GPC5: variants seen among roughly 807,000 people sequenced by gnomAD.
The protein encoded by GPC5 is glypican-5.
Under a neutral mutation model 53.9 loss-of-function variants are expected in GPC5, and 47 were observed. That is an observed-to-expected ratio of 0.87 (90% confidence interval 0.69 to 1.11). GPC5 has a LOEUF of 1.11. GPC5 is among the 50% of genes most tolerant of loss of function. The pLI is 0.00. For synonymous variants in GPC5, 286 were observed against 263.3 expected (o/e 1.09, Z -0.84); for missense variants, 748 against 713.1 (o/e 1.05, Z -0.56).
chr13:91,756,300 T>G lies in GPC5; in HGVS notation c.1160T>G (p.Phe387Cys), dbSNP rs1176031033. ...EETLANRRKEFINSLRLYRSF... is the reference protein window; with the variant it reads ...EETLANRRKECINSLRLYRSF... Reference sequence around the variant, plus strand: ...TTCTTTCTTCTTTCATTTAGAGAATTTATCAACAGCCTTCGACTGTACAGG... The same window carrying G: ...TTCTTTCTTCTTTCATTTAGAGAATGTATCAACAGCCTTCGACTGTACAGG... Residue 387 changes from phenylalanine to cysteine, a missense_variant, in exon 5 of 8, where the codon TTT (phenylalanine) becomes TGT (cysteine). By Grantham distance (205) the Phe-to-Cys change is radical. Transcript: ENST00000377067. The G allele has an allele frequency of 2.0e-6, 3 of 1,487,494 alleles. No individual in the cohort carries two copies. The South Asian group carries it at 4.3e-5, about 21-fold the overall frequency. 92.1% of individuals were successfully genotyped at this position (1,487,494 alleles called of 1,614,324 possible). A position where few individuals can be genotyped will look rare whatever the true frequency, so the allele number is the denominator to read the frequency against.
chr13:91,629,770 T>G (rs1165894567), intron 2 of GPC5, among the ~76,000 whole-genome samples: 2 of 152,174 alleles, frequency 1.3e-5, no homozygotes, highest in Admixed American at 6.5e-5. Context: ...CTATGATTAC[T>G]TACTGTTTTG....
intron 7 of GPC5, among the ~76,000 whole-genome samples, chr13:92,172,501 C>G (rs1275622569): frequency 6.6e-6 from 1 of 152,100 alleles, no homozygotes; most frequent in African/African-American, 2.4e-5. Context: ...GAAGAAGAAT[C>G]AATTTTGAAA....
At chr13:92,284,014 A>AAGAG (rs1288028347) in intron 7 of GPC5, among the ~76,000 whole-genome samples, 1 of 151,252 alleles carries the variant, frequency 6.6e-6, no homozygotes, top group Non-Finnish European at 1.5e-5. Flanking sequence ...TAAAGAAGAA[A>AAGAG]AGAAGAATCA....
intron 7 of GPC5, among the ~76,000 whole-genome samples, chr13:92,643,022 C>T (rs1885644987): frequency 6.6e-6 from 1 of 152,158 alleles, no homozygotes; most frequent in South Asian, 2.1e-4. Context: ...TAAATGTCTT[C>T]TTTTGAGAAG....
At chr13:91,610,468 A>G (rs2033513206) in intron 2 of GPC5, among the ~76,000 whole-genome samples, 1 of 152,172 alleles carries the variant, frequency 6.6e-6, no homozygotes, top group Admixed American at 6.5e-5. Context: ...AAACAAAGGG[A>G]TAGGCTATTA....
intron 7 of GPC5, among the ~76,000 whole-genome samples, chr13:92,384,616 G>A (rs1254948818): frequency 6.6e-6 from 1 of 152,072 alleles, no homozygotes. Context: ...CTTAAAAGCA[G>A]ACAATTCCAG....
intron 2 of GPC5, among the ~76,000 whole-genome samples, chr13:91,495,819 T>TA (rs1376457495): frequency 6.6e-6 from 1 of 152,168 alleles, no homozygotes; most frequent in Non-Finnish European, 1.5e-5. Flanking sequence ...GGTCAAGAGT[T>TA]AGAGACCAGC....
At chr13:92,745,269 C>T (rs1036902268) in intron 7 of GPC5, among the ~76,000 whole-genome samples, 1 of 152,018 alleles carries the variant, frequency 6.6e-6, no homozygotes, top group Non-Finnish European at 1.5e-5. Flanking sequence ...CTTTGAGATG[C>T]TCATAGCAAA....
chr13:91,993,475 G>C (rs984115183), intron 6 of GPC5, among the ~76,000 whole-genome samples: 19 of 151,992 alleles, frequency 1.3e-4, no homozygotes, highest in Middle Eastern at 3.4e-3. Context: ...TTTTGTATGA[G>C]CTCACATGAA....
intron 7 of GPC5, among the ~76,000 whole-genome samples, chr13:92,797,065 C>T (rs994084418): frequency 2.0e-5 from 3 of 151,856 alleles, no homozygotes; most frequent in African/African-American, 4.8e-5. Context: ...CTAACCCGTA[C>T]GGTGCAACAA....
chr13:92,433,706 C>T, intron 7 of GPC5, among the ~76,000 whole-genome samples: 1 of 152,076 alleles, frequency 6.6e-6, no homozygotes, highest in East Asian at 1.9e-4. Context: ...GAATTATAAA[C>T]AATTGACTAA....
intron 7 of GPC5, among the ~76,000 whole-genome samples, chr13:92,526,325 T>C (rs2138977341): frequency 6.6e-6 from 1 of 152,210 alleles, no homozygotes; most frequent in South Asian, 2.1e-4. Context: ...AACAAATTTG[T>C]GCTTTCATAA....
In GPC5 at chr13:91,655,575, C is replaced by A. The variant is rs565696716; in HGVS notation, c.326-37612C>A. Among the ~76,000 whole-genome samples the A allele has an allele frequency of 1.8e-3, 276 of 151,812 alleles. 2 individuals carry two copies. The highest frequency in any genetic ancestry group is 6.2e-3 in the African/African-American group (257 of 41,396). On this transcript the variant is annotated intron_variant, in intron 2 of 7. Coordinates refer to ENST00000377067, the MANE Select transcript of GPC5 (RefSeq NM_004466.6). Reference sequence around the variant, plus strand: ...ATTTAAAAATTAATAAAAGTCAAAACCAACAAATATTTTATACTAGGTAGA... The same window carrying A: ...ATTTAAAAATTAATAAAAGTCAAAAACAACAAATATTTTATACTAGGTAGA...
Position 92,022,963 on chromosome 13 carries a change from A to C in GPC5, c.1401+114906A>C, listed in dbSNP as rs1183398333. ...AGTGCTTCTTTATACAGAGTATAAC[A>C]CTATATTTTCCTAAGATACTGTTCT... is the stretch of plus-strand genomic sequence containing the variant. On this transcript the variant is annotated intron_variant, in intron 6 of 7. Transcript: ENST00000377067. Among the ~76,000 whole-genome samples, 4 of 152,088 alleles carry C rather than the reference A, an allele frequency of 2.6e-5. No individual in the cohort carries two copies. In the East Asian group the frequency reaches 7.7e-4, roughly 29 times the overall value.
At chr13:91,775,969 A>G (rs2037705009) in intron 5 of GPC5, among the ~76,000 whole-genome samples, 1 of 152,232 alleles carries the variant, frequency 6.6e-6, no homozygotes, top group Non-Finnish European at 1.5e-5. Context: ...TTTCAAGTGC[A>G]TCGTTGTGTC....
chr13:91,701,004 T>C (rs2035979826), intron 3 of GPC5, among the ~76,000 whole-genome samples: 1 of 152,186 alleles, frequency 6.6e-6, no homozygotes, highest in African/African-American at 2.4e-5. Context: ...CCGGCTACTT[T>C]TGTGGGGTAA....
intron 7 of GPC5, among the ~76,000 whole-genome samples, chr13:92,211,234 C>T (rs573424602): frequency 6.6e-6 from 1 of 152,264 alleles, no homozygotes; most frequent in African/African-American, 2.4e-5. Context: ...GTATTACATT[C>T]TTGGTCCTGA....
At chr13:91,494,035 G>A (rs1298745501) in intron 2 of GPC5, among the ~76,000 whole-genome samples, 6 of 150,172 alleles carry the variant, frequency 4.0e-5, no homozygotes, top group African/African-American at 9.9e-5. Flanking sequence ...CACCACACCC[G>A]GCTAATTTTT....
intron 5 of GPC5, among the ~76,000 whole-genome samples, chr13:91,830,913 A>ATATATATCCTATTATATAT (rs1423453288): frequency 7.6e-6 from 1 of 132,216 alleles, no homozygotes; most frequent in African/African-American, 2.8e-5. Flanking sequence ...ATTATATATA[A>ATATATATCCTATTATATAT]TATATATCCT....
Sources: gnomAD v4.1 joint callset for allele counts (sites outside exome capture counted in the v4.1 genomes callset) on GRCh38, gnomAD v4.1.1 for gene constraint, MANE v1.5 for transcripts, NCBI Gene and HGNC (gene_info 2026-07-23, HGNC 2026-07-21) for gene names.